Variants in HS6ST3 observed in about 807,000 individuals in gnomAD.
HS6ST3 encodes the protein heparan-sulfate 6-O-sulfotransferase 3.
A neutral mutation model predicts 36.7 loss-of-function variants in HS6ST3; 12 were observed. That is an observed-to-expected ratio of 0.33 (90% CI 0.21 to 0.53). The LOEUF (loss-of-function observed/expected upper bound fraction) is 0.53, where lower values mean the gene tolerates loss of function less well. Among genes scored for constraint, HS6ST3 ranks in the 20% least tolerant of loss-of-function variants. HS6ST3 has a pLI of 0.95. For synonymous variants in HS6ST3, 240 were observed against 257.5 expected (o/e 0.93, Z 0.65); for missense variants, 584 against 640.9 (o/e 0.91, Z 0.96).
intron 1 of HS6ST3, among the ~76,000 whole-genome samples, chr13:96,268,836 C>T (rs886884923): frequency 3.3e-5 from 5 of 151,802 alleles, no homozygotes; most frequent in African/African-American, 1.2e-4. Flanking sequence ...CACACACATA[C>T]ACACACACAC....
chr13:96,481,598 C>T (rs2055890139), intron 1 of HS6ST3, among the ~76,000 whole-genome samples: 1 of 152,180 alleles, frequency 6.6e-6, no homozygotes, highest in South Asian at 2.1e-4. Flanking sequence ...CAAAACTTGG[C>T]GTTTCTCTGT....
intron 1 of HS6ST3, among the ~76,000 whole-genome samples, chr13:96,703,435 T>G (rs981245222): frequency 3.3e-5 from 5 of 152,214 alleles, no homozygotes; most frequent in African/African-American, 1.2e-4. Context: ...AAATGGAGAA[T>G]GAAAATAATG....
intron 1 of HS6ST3, among the ~76,000 whole-genome samples, chr13:96,180,515 G>A (rs2054234722): frequency 7.3e-6 from 1 of 137,104 alleles, no homozygotes; most frequent in Admixed American, 7.7e-5. Flanking sequence ...AAATAAGGAA[G>A]GGCTAATAAA....
At chr13:96,766,813 T>G (rs994274063) in intron 1 of HS6ST3, among the ~76,000 whole-genome samples, 1 of 152,204 alleles carries the variant, frequency 6.6e-6, no homozygotes, top group African/African-American at 2.4e-5. Flanking sequence ...TTGGGACCTC[T>G]TCTGGTGGCA....
chr13:96,183,220 T>C (rs1003029971), intron 1 of HS6ST3, among the ~76,000 whole-genome samples: 1 of 152,204 alleles, frequency 6.6e-6, no homozygotes, highest in African/African-American at 2.4e-5. Flanking sequence ...AAGTCTCGTA[T>C]AAAAGTTGAT....
intron 1 of HS6ST3, among the ~76,000 whole-genome samples, chr13:96,286,932 A>G (rs2054806436): frequency 6.6e-6 from 1 of 151,980 alleles, no homozygotes; most frequent in East Asian, 1.9e-4. Flanking sequence ...CTGAGTGTGC[A>G]TGCGTGTGAG....
intron 1 of HS6ST3, among the ~76,000 whole-genome samples, chr13:96,446,920 C>G (rs1047828591): frequency 6.6e-6 from 1 of 152,180 alleles, no homozygotes; most frequent in African/African-American, 2.4e-5. Context: ...GGCCAGAAAC[C>G]AGGAAGCGCA....
At chr13:96,532,351 A>G (rs2056138949) in intron 1 of HS6ST3, among the ~76,000 whole-genome samples, 1 of 152,224 alleles carries the variant, frequency 6.6e-6, no homozygotes, top group Non-Finnish European at 1.5e-5. Flanking sequence ...TTGTTTTAGA[A>G]ACTTGCTCAA....
At chr13:96,725,557 G>A (rs1167719750) in intron 1 of HS6ST3, among the ~76,000 whole-genome samples, 3 of 152,058 alleles carry the variant, frequency 2.0e-5, no homozygotes, top group Non-Finnish European at 4.4e-5. Context: ...AGTACAAAAT[G>A]TAGATAGAAG....
At chr13:96,203,431 G>A (rs780453172) in intron 1 of HS6ST3, among the ~76,000 whole-genome samples, 3 of 152,096 alleles carry the variant, frequency 2.0e-5, no homozygotes, top group African/African-American at 7.2e-5. Flanking sequence ...TACCTCAAAG[G>A]CCTCACCTCC....
intron 1 of HS6ST3, among the ~76,000 whole-genome samples, chr13:96,801,512 A>ATG (rs749168394): frequency 9.2e-5 from 14 of 151,838 alleles, no homozygotes; most frequent in East Asian, 1.9e-4. Flanking sequence ...GCCTTTATAT[A>ATG]TGTGTGTGTG....
chr13:96,614,728 T>C (rs2056468239), intron 1 of HS6ST3, among the ~76,000 whole-genome samples: 1 of 152,218 alleles, frequency 6.6e-6, no homozygotes, highest in South Asian at 2.1e-4. Context: ...GTTATCATTT[T>C]ACAGGCATTT....
intron 1 of HS6ST3, among the ~76,000 whole-genome samples, chr13:96,138,472 G>C (rs1222371279): frequency 1.3e-5 from 2 of 149,384 alleles, no homozygotes; most frequent in Non-Finnish European, 3.0e-5. Context: ...CATATATACA[G>C]TTTATAAATA....
chr13:96,470,024 T>C (rs1287119730), intron 1 of HS6ST3, among the ~76,000 whole-genome samples: 1 of 152,206 alleles, frequency 6.6e-6, no homozygotes, highest in African/African-American at 2.4e-5. Flanking sequence ...AAAATAAAAT[T>C]TCAAATTATT....
chr13:96,573,874 C>A, intron 1 of HS6ST3: 1 of 472,104 alleles, frequency 2.1e-6, no homozygotes. Context: ...GCATCAGGAG[C>A]ACTGAGCCCT....
At chr13:96,252,865 A>G (rs532920078) in intron 1 of HS6ST3, among the ~76,000 whole-genome samples, 1 of 152,082 alleles carries the variant, frequency 6.6e-6, no homozygotes, top group South Asian at 2.1e-4. Flanking sequence ...ACATGAGTCA[A>G]AGCTCCCTGA....
intron 1 of HS6ST3, among the ~76,000 whole-genome samples, chr13:96,170,416 T>C (rs2054182181): frequency 6.6e-6 from 1 of 152,236 alleles, no homozygotes; most frequent in African/African-American, 2.4e-5. Flanking sequence ...AGCAACTTGA[T>C]GTCAGAGTAG....
At chr13:96,506,580 G>A (rs2056027574) in intron 1 of HS6ST3, among the ~76,000 whole-genome samples, 1 of 152,126 alleles carries the variant, frequency 6.6e-6, no homozygotes. Flanking sequence ...CATTTAGATG[G>A]TGATTACTGT....
chr13:96,213,509 C>T, intron 1 of HS6ST3, among the ~76,000 whole-genome samples: 1 of 151,266 alleles, frequency 6.6e-6, no homozygotes, highest in Middle Eastern at 3.5e-3. Flanking sequence ...CTATGGCCGA[C>T]TGCCTCTGTG....
Sources: allele counts gnomAD v4.1 joint callset (sites outside exome capture counted in the v4.1 genomes callset), GRCh38; gene constraint gnomAD v4.1.1; transcripts MANE v1.5; gene names NCBI Gene and HGNC (gene_info 2026-07-23, HGNC 2026-07-21).